Variants in ZNF469 observed in about 807,000 individuals in gnomAD.
ZNF469 encodes zinc finger protein 469.
In ZNF469, 1 loss-of-function variant was observed where a neutral mutation model predicts 1.0. That is an observed-to-expected ratio of 1.00 (90% CI 0.35 to 4.73). The LOEUF is 4.73. ZNF469 is among the 30% of genes most tolerant of loss of function. The pLI is 0.16. For synonymous variants in ZNF469, 2,703 were observed against 2,363.4 expected, an observed-to-expected ratio of 1.14 and a Z score of -4.17; for missense variants, 6,100 against 5,356.3, an observed-to-expected ratio of 1.14 and a Z score of -4.33.
At chr16:88,142,978 C>T in the ZNF469 span, among the ~76,000 whole-genome samples, 1 of 152,218 alleles carries the variant, frequency 6.6e-6, no homozygotes, top group Admixed American at 6.5e-5. Context: ...TAAAGACAAG[C>T]AGAGGTCTCA....
chr16:88,232,112 C>G, the ZNF469 span, among the ~76,000 whole-genome samples: 1 of 152,172 alleles, frequency 6.6e-6, no homozygotes, highest in Non-Finnish European at 1.5e-5. Flanking sequence ...CTCGACCACG[C>G]AAAGGCTGGG....
At chr16:88,262,168 A>G in the ZNF469 span, among the ~76,000 whole-genome samples, 1 of 152,124 alleles carries the variant, frequency 6.6e-6, no homozygotes, top group Non-Finnish European at 1.5e-5. The surrounding 1 kb of genome is among the most constrained non-coding windows in gnomAD (Gnocchi z 4.3). Context: ...AAGGAATTGC[A>G]TTCTTGGGAT....
At chr16:88,420,117 C>T (rs1378593301) in intron 1 of ZNF469, among the ~76,000 whole-genome samples, 1 of 152,256 alleles carries the variant, frequency 6.6e-6, no homozygotes, top group Non-Finnish European at 1.5e-5. Context: ...CCAGGCCCCA[C>T]TCCCACACCG....
At chr16:88,326,255 G>A in the ZNF469 span, among the ~76,000 whole-genome samples, 1 of 152,208 alleles carries the variant, frequency 6.6e-6, no homozygotes, top group Non-Finnish European at 1.5e-5. Context: ...CATGAGATCT[G>A]ATGGTTTTAA....
At chr16:88,128,209 A>G in the ZNF469 span, among the ~76,000 whole-genome samples, 1 of 151,090 alleles carries the variant, frequency 6.6e-6, no homozygotes, top group African/African-American at 2.4e-5. Context: ...CTCGAGGCCA[A>G]GGGTTGAGCC....
the ZNF469 span, among the ~76,000 whole-genome samples, chr16:88,281,034 T>C: frequency 6.6e-6 from 1 of 151,342 alleles, no homozygotes; most frequent in South Asian, 2.1e-4. Flanking sequence ...TGGGCCATGC[T>C]GACGCTTGGT....
At chr16:88,327,173 C>A in the ZNF469 span, among the ~76,000 whole-genome samples, 2 of 152,210 alleles carry the variant, frequency 1.3e-5, no homozygotes, top group Admixed American at 6.5e-5. Context: ...GTCCAGGCCC[C>A]GGGTGGCCGC....
chr16:88,282,283 T>A, the ZNF469 span, among the ~76,000 whole-genome samples: 1 of 152,180 alleles, frequency 6.6e-6, no homozygotes, highest in Non-Finnish European at 1.5e-5. Context: ...GGAAGGCACC[T>A]TGGGCCTGTG....
the ZNF469 span, among the ~76,000 whole-genome samples, chr16:88,181,794 T>C: frequency 8.5e-5 from 13 of 152,248 alleles, no homozygotes; most frequent in South Asian, 2.7e-3. Context: ...AAAGAAAGAA[T>C]ATGATAATGA....
At chr16:88,304,967 C>T in the ZNF469 span, among the ~76,000 whole-genome samples, 1 of 152,140 alleles carries the variant, frequency 6.6e-6, no homozygotes, top group African/African-American at 2.4e-5. Context: ...CACCCAAGTT[C>T]CATCTGGAAT....
intron 1 of ZNF469, among the ~76,000 whole-genome samples, chr16:88,390,238 C>T (rs1442662418): frequency 6.6e-6 from 1 of 152,144 alleles, no homozygotes; most frequent in Non-Finnish European, 1.5e-5. Flanking sequence ...GTGGGCCCAG[C>T]GGGTCCTGGG....
At chr16:88,213,856 G>A in the ZNF469 span, among the ~76,000 whole-genome samples, 4 of 152,176 alleles carry the variant, frequency 2.6e-5, no homozygotes, top group African/African-American at 9.7e-5. Context: ...CCAGCTTTCC[G>A]CAGAGGCTTA....
At chr16:88,138,904 G>C in the ZNF469 span, among the ~76,000 whole-genome samples, 1 of 152,230 alleles carries the variant, frequency 6.6e-6, no homozygotes, top group Non-Finnish European at 1.5e-5. Flanking sequence ...CGTAAGCACA[G>C]CTATTCGGCT....
At chr16:88,127,342 A>G in the ZNF469 span, among the ~76,000 whole-genome samples, 4 of 152,328 alleles carry the variant, frequency 2.6e-5, no homozygotes, top group East Asian at 5.8e-4. Flanking sequence ...AATAGAATTC[A>G]GCAACGAATC....
At chr16:88,208,772 T>C in the ZNF469 span, among the ~76,000 whole-genome samples, 619 of 64,770 alleles carry the variant, frequency 9.6e-3, 3 homozygotes, top group African/African-American at 0.026. Context: ...TAAATGCGCG[T>C]GCGCGCGCAC....
At chr16:88,101,030 C>T in the ZNF469 span, 350 of 233,924 alleles carry the variant, frequency 1.5e-3, 2 homozygotes, top group African/African-American at 7.3e-3. Context: ...CCACACACCA[C>T]AGGGGATGGG....
chr16:88,203,984 C>T, the ZNF469 span, among the ~76,000 whole-genome samples: 3 of 152,164 alleles, frequency 2.0e-5, no homozygotes, highest in African/African-American at 7.2e-5. Flanking sequence ...TGGAGGTGCC[C>T]CATGAACCCC....
At chr16:88,404,472 T>C (rs1429366745) in intron 1 of ZNF469, among the ~76,000 whole-genome samples, 1 of 152,196 alleles carries the variant, frequency 6.6e-6, no homozygotes. Flanking sequence ...ACATATCCCT[T>C]TGGCCATGTT....
At position 88,422,165 on chromosome 16, in the gene ZNF469, T is replaced by C. The variant is rs555375743; in HGVS notation, c.-191-2642T>C. 1.8e-3 allele frequency among the ~76,000 whole-genome samples: 258 copies of C among 142,386 alleles called. 3 individuals are homozygous for C. The highest frequency in any genetic ancestry group is 6.6e-3 in the African/African-American group (243 of 37,014). The allele number at this position is 142,386 out of a possible 152,430, so 93.4% of individuals were successfully genotyped here. On this transcript the variant is annotated intron_variant, in intron 1 of 2. Coordinates refer to ENST00000565624, the MANE Select transcript of ZNF469 (RefSeq NM_001367624.2). ...GTGAACGGGTGGGTGGATGGGCAGG[T>C]GGATGGGCAGGAGGATGGGGGGACG...
Sources: gnomAD v4.1 joint callset for allele counts (sites outside exome capture counted in the v4.1 genomes callset) on GRCh38, gnomAD v4.1.1 for gene constraint, Gnocchi (gnomAD v3.1) non-coding constraint, MANE v1.5 for transcripts, NCBI Gene and HGNC (gene_info 2026-07-23, HGNC 2026-07-21) for gene names.